Variants in LRRC4C observed in about 807,000 individuals in gnomAD.
The protein encoded by LRRC4C is leucine-rich repeat-containing protein 4C.
A neutral mutation model predicts 33.6 loss-of-function variants in LRRC4C; 5 were observed. The observed-to-expected ratio is 0.15, with a 90% CI of 0.08 to 0.31. LRRC4C has a LOEUF of 0.31. Ranked by LOEUF, LRRC4C falls within the 10% of genes least tolerant of loss-of-function variation. The pLI, the probability that LRRC4C is intolerant of heterozygous loss-of-function variation, is 1.00. For synonymous variants in LRRC4C, 329 were observed against 302.0 expected (o/e 1.09, Z -0.93); for missense variants, 560 against 796.7 (o/e 0.70, Z 3.58).
chr11:40,554,039 T>G (rs763843155), intron 3 of LRRC4C, among the ~76,000 whole-genome samples: 1 of 152,176 alleles, frequency 6.6e-6, no homozygotes, highest in African/African-American at 2.4e-5. Context: ...AAGAGTATTA[T>G]GTAGGTTTTC....
intron 2 of LRRC4C, among the ~76,000 whole-genome samples, chr11:40,654,279 G>A (rs1236856336): frequency 6.6e-6 from 1 of 152,150 alleles, no homozygotes; most frequent in Non-Finnish European, 1.5e-5. Flanking sequence ...ATTTTGCACT[G>A]TGTGCTGGGA....
Position 40,134,164 on chromosome 11 carries a change from G to C in LRRC4C, c.-43+6637C>G, listed in dbSNP as rs1453706093. Among the ~76,000 whole-genome samples the C allele has an allele frequency of 3.3e-5, 5 of 152,104 alleles. No homozygotes were observed. The East Asian group carries it at 9.6e-4, about 29-fold the overall frequency. On this transcript the variant is annotated intron_variant, in intron 6 of 6. Transcript: ENST00000528697. ...CCCAGCTACTTGGGAGGCTGAAGCA[G>C]AAGGTTCACTTGAGCCCAGGAATCT...
intron 1 of LRRC4C, among the ~76,000 whole-genome samples, chr11:41,386,805 T>C (rs1404463048): frequency 6.6e-6 from 1 of 151,750 alleles, no homozygotes; most frequent in Non-Finnish European, 1.5e-5. Context: ...TTTTTCATGG[T>C]GCTGACAAAG....
intron 3 of LRRC4C, among the ~76,000 whole-genome samples, chr11:40,636,226 G>A (rs112134472): frequency 1.2e-3 from 184 of 152,192 alleles, no homozygotes; most frequent in African/African-American, 4.0e-3. Flanking sequence ...CTATCTCAGC[G>A]GCCAGTTTCC....
chr11:41,371,722 T>C (rs1469735061), intron 1 of LRRC4C, among the ~76,000 whole-genome samples: 1 of 152,226 alleles, frequency 6.6e-6, no homozygotes, highest in Admixed American at 6.5e-5. Context: ...AAGGATATAG[T>C]AAAACTTTGC....
intron 2 of LRRC4C, among the ~76,000 whole-genome samples, chr11:40,694,186 A>G (rs1405062395): frequency 6.6e-6 from 1 of 152,170 alleles, no homozygotes; most frequent in Non-Finnish European, 1.5e-5. Flanking sequence ...GGTCTTTATC[A>G]AAGGAAATAA....
intron 5 of LRRC4C, among the ~76,000 whole-genome samples, chr11:40,192,794 T>C (rs1565114928): frequency 2.0e-5 from 3 of 152,012 alleles, no homozygotes; most frequent in African/African-American, 7.2e-5. Flanking sequence ...TGCTGAGGCT[T>C]GAGTAGTCTG....
intron 5 of LRRC4C, among the ~76,000 whole-genome samples, chr11:40,169,776 T>C (rs1235940076): frequency 6.6e-6 from 1 of 152,124 alleles, no homozygotes; most frequent in East Asian, 1.9e-4. Flanking sequence ...AGATAGAAAA[T>C]GCAACATCAC....
intron 1 of LRRC4C, among the ~76,000 whole-genome samples, chr11:41,178,350 T>G (rs941618094): frequency 6.6e-6 from 1 of 152,096 alleles, no homozygotes; most frequent in African/African-American, 2.4e-5. Context: ...ATGCCACACT[T>G]TCTATGTTGT....
At chr11:40,196,106 A>C (rs186565437) in intron 5 of LRRC4C, among the ~76,000 whole-genome samples, 1 of 152,354 alleles carries the variant, frequency 6.6e-6, no homozygotes, top group East Asian at 1.9e-4. Context: ...TACATTGCAC[A>C]AACTCTTGTG....
intron 1 of LRRC4C, among the ~76,000 whole-genome samples, chr11:41,394,406 C>T (rs1022930135): frequency 6.6e-6 from 1 of 151,866 alleles, no homozygotes; most frequent in Non-Finnish European, 1.5e-5. Context: ...TCAGATGCGC[C>T]TCCCTGCAGA....
chr11:40,730,469 G>A (rs1947508866), intron 2 of LRRC4C, among the ~76,000 whole-genome samples: 2 of 152,136 alleles, frequency 1.3e-5, no homozygotes, highest in Non-Finnish European at 2.9e-5. Context: ...AAGTTTTGAG[G>A]TAGAAGAGAC....
At chr11:41,133,963 C>T (rs1490885418) in intron 1 of LRRC4C, among the ~76,000 whole-genome samples, 2 of 152,270 alleles carry the variant, frequency 1.3e-5, no homozygotes, top group African/African-American at 4.8e-5. Context: ...GTAACTCCTG[C>T]CTTCCTGAAG....
intron 2 of LRRC4C, among the ~76,000 whole-genome samples, chr11:40,657,945 G>A (rs1943217119): frequency 6.6e-6 from 1 of 152,146 alleles, no homozygotes; most frequent in South Asian, 2.1e-4. Context: ...CAAAGAACAA[G>A]GGCAAGATAT....
intron 3 of LRRC4C, among the ~76,000 whole-genome samples, chr11:40,326,051 A>T (rs1334646722): frequency 6.7e-6 from 1 of 150,362 alleles, no homozygotes; most frequent in Non-Finnish European, 1.5e-5. Flanking sequence ...GAAAGGTGGC[A>T]TTTGGAAAAC....
intron 3 of LRRC4C, among the ~76,000 whole-genome samples, chr11:40,606,457 C>G (rs1960598657): frequency 6.6e-6 from 1 of 151,864 alleles, no homozygotes; most frequent in Non-Finnish European, 1.5e-5. Flanking sequence ...TTTATAAACA[C>G]TAGGAGAGAT....
At chr11:40,998,208 T>A (rs1358391322) in intron 1 of LRRC4C, among the ~76,000 whole-genome samples, 1 of 151,932 alleles carries the variant, frequency 6.6e-6, no homozygotes, top group African/African-American at 2.4e-5. Context: ...ATGTATATAT[T>A]TTTTAAAAAT....
At chr11:40,978,082 C>T (rs1852215044) in intron 1 of LRRC4C, among the ~76,000 whole-genome samples, 2 of 152,146 alleles carry the variant, frequency 1.3e-5, no homozygotes, top group African/African-American at 2.4e-5. Flanking sequence ...CAAATCTTTC[C>T]ATTTCTCTTT....
chr11:40,590,984 C>T (rs1959025612), intron 3 of LRRC4C, among the ~76,000 whole-genome samples: 1 of 152,102 alleles, frequency 6.6e-6, no homozygotes. Flanking sequence ...GGCAGGCCTC[C>T]TTGAGCTGTG....
Sources: gnomAD v4.1 joint callset for allele counts (sites outside exome capture counted in the v4.1 genomes callset) on GRCh38, gnomAD v4.1.1 for gene constraint, MANE v1.5 for transcripts, NCBI Gene and HGNC (gene_info 2026-07-23, HGNC 2026-07-21) for gene names.